The following CEMIP variants were observed in gnomAD, a reference collection of about 807,000 sequenced individuals.
CEMIP encodes the protein cell migration-inducing and hyaluronan-binding protein.
A neutral mutation model predicts 156.9 loss-of-function variants in CEMIP; 105 were observed. The observed-to-expected ratio is 0.67, with a 90% CI of 0.57 to 0.79. CEMIP has a LOEUF of 0.79. CEMIP is among the 30% of genes least tolerant of loss of function. The pLI is 0.00. For synonymous variants in CEMIP, 676 were observed against 668.4 expected, an observed-to-expected ratio of 1.01 and a Z score of -0.17; for missense variants, 1,457 against 1,769.4, an observed-to-expected ratio of 0.82 and a Z score of 3.17.
At chr15:80,836,820 C>A (rs908728630) in intron 1 of CEMIP, among the ~76,000 whole-genome samples, 2 of 152,160 alleles carry the variant, frequency 1.3e-5, no homozygotes, top group African/African-American at 4.8e-5. Flanking sequence ...CCTGCAGTTA[C>A]CAGGACCAGA....
chr15:80,882,838 G>T (rs1002087478), intron 6 of CEMIP, among the ~76,000 whole-genome samples: 11 of 152,084 alleles, frequency 7.2e-5, no homozygotes, highest in African/African-American at 2.7e-4. Flanking sequence ...ACTTAGAGAA[G>T]CAGGAACTTA....
At position 80,900,865 on chromosome 15, in the gene CEMIP, C is replaced by T. The variant is rs1044354983; in HGVS notation, c.1411+4805C>T. 3 of 451,248 alleles carry T rather than the reference C, an allele frequency of 6.6e-6. No individual in the cohort carries two copies. The Admixed American group carries it at 7.2e-5, about 11-fold the overall frequency. 28.0% of individuals were successfully genotyped at this position (451,248 alleles called of 1,614,324 possible). On this transcript the variant is annotated intron_variant, in intron 12 of 29. Coordinates refer to ENST00000394685, the MANE Select transcript of CEMIP (RefSeq NM_001293298.2). ...AGCTATCTCTTAGGCTTCTCTTCCC[C>T]AGGCTGGCTGCAGACACGGACACGA...
intron 1 of CEMIP, among the ~76,000 whole-genome samples, chr15:80,798,720 G>T (rs4778624): frequency 0.08 from 12,098 of 151,980 alleles, 636 homozygotes; most frequent in African/African-American, 0.14. Context: ...CTTATCAGTA[G>T]GTCTGATCTC....
chr15:80,886,494 T>G (rs1393456241), intron 7 of CEMIP, among the ~76,000 whole-genome samples: 2 of 152,042 alleles, frequency 1.3e-5, no homozygotes, highest in African/African-American at 2.4e-5. Flanking sequence ...ACAAGAATAA[T>G]GAGAGCTATT....
At chr15:80,859,135 G>A (rs1283980366) in intron 1 of CEMIP, among the ~76,000 whole-genome samples, 2 of 152,184 alleles carry the variant, frequency 1.3e-5, no homozygotes, top group Non-Finnish European at 2.9e-5. Flanking sequence ...CAGCAGCCAG[G>A]GGAATGGATC....
intron 1 of CEMIP, among the ~76,000 whole-genome samples, chr15:80,865,646 A>G (rs960751505): frequency 5.5e-5 from 8 of 145,190 alleles, no homozygotes; most frequent in Non-Finnish European, 1.2e-4. Context: ...AATTATGCAC[A>G]GCCCTTTTTT....
chr15:80,842,174 T>C (rs1170899922), intron 1 of CEMIP: 1 of 456,352 alleles, frequency 2.2e-6, no homozygotes, highest in Non-Finnish European at 4.4e-6. Flanking sequence ...ATATATGTAT[T>C]TCCTTTTCAT....
At chr15:80,785,678 C>A (rs1364981915) in intron 1 of CEMIP, among the ~76,000 whole-genome samples, 1 of 152,058 alleles carries the variant, frequency 6.6e-6, no homozygotes, top group Non-Finnish European at 1.5e-5. Flanking sequence ...ATGAAGAAGA[C>A]CAGTAATTCA....
intron 1 of CEMIP, among the ~76,000 whole-genome samples, chr15:80,867,650 G>T (rs1390573614): frequency 6.6e-6 from 1 of 152,240 alleles, no homozygotes; most frequent in African/African-American, 2.4e-5. Context: ...CTGAGAAAGG[G>T]CTGGCAGGAG....
chr15:80,787,567 G>A (rs1369964821), intron 1 of CEMIP, among the ~76,000 whole-genome samples: 1 of 152,178 alleles, frequency 6.6e-6, no homozygotes, highest in Non-Finnish European at 1.5e-5. Flanking sequence ...CATAGCAACT[G>A]GAACATACTA....
chr15:80,940,143 A>G (rs936832714), intron 25 of CEMIP, among the ~76,000 whole-genome samples: 2 of 152,208 alleles, frequency 1.3e-5, no homozygotes, highest in African/African-American at 2.4e-5. Context: ...GCTCTGCAAC[A>G]TTACTTGGTC....
chr15:80,888,553 G>A, intron 8 of CEMIP, 148 bp from the exon 9 acceptor site: 1 of 671,518 alleles, frequency 1.5e-6, no homozygotes, highest in Non-Finnish European at 2.7e-6. Context: ...GTGAATGAAT[G>A]TCCTAATTTT....
In CEMIP at chr15:80,925,727, G is replaced by C; in HGVS notation, c.2392G>C (p.Gly798Arg). 6.2e-7 allele frequency: 1 copy of C among 1,613,480 alleles called. No homozygotes were observed. The highest frequency in any genetic ancestry group is 8.5e-7 in the Non-Finnish European group (1 of 1,179,976). The change falls in exon 19 of 30, where the codon GGC becomes CGC. Residue 798 changes from glycine (G) to arginine (R), a missense_variant. Transcript: ENST00000394685. ...CCAGGACCACGGGGCCTGGCTGCGC[G>C]GCGGGGATGTGTGGCTGGACAGCTG... ...KNQDHGAWLR[G>R]GDVWLDSCRF... is the part of the protein sequence containing the mutation.
intron 1 of CEMIP, among the ~76,000 whole-genome samples, chr15:80,864,526 C>T (rs564860343): frequency 5.3e-5 from 8 of 152,232 alleles, no homozygotes; most frequent in Non-Finnish European, 1.0e-4. Context: ...TCCGGGCCGG[C>T]CCGTGTACCA....
chr15:80,829,771 G>A (rs1267096145), intron 1 of CEMIP, among the ~76,000 whole-genome samples: 1 of 152,204 alleles, frequency 6.6e-6, no homozygotes, highest in Non-Finnish European at 1.5e-5. Context: ...ATCAGAGGCA[G>A]GAATTTCTGC....
chr15:80,884,712 AT>A (rs1898777933), intron 7 of CEMIP, among the ~76,000 whole-genome samples: 1 of 152,196 alleles, frequency 6.6e-6, no homozygotes, highest in African/African-American at 2.4e-5. Context: ...TAAAGAGGTC[AT>A]GTCATGGCTT....
chr15:80,781,383 G>A (rs1895791014), intron 1 of CEMIP, among the ~76,000 whole-genome samples: 1 of 152,186 alleles, frequency 6.6e-6, no homozygotes, highest in Admixed American at 6.5e-5. Flanking sequence ...CTTTCTTAAA[G>A]CAATTTCCAA....
chr15:80,826,705 G>A (rs918729167), intron 1 of CEMIP, among the ~76,000 whole-genome samples: 2 of 152,164 alleles, frequency 1.3e-5, no homozygotes, highest in African/African-American at 4.8e-5. Flanking sequence ...CACAGTCATA[G>A]GCAAAATTTG....
intron 28 of CEMIP, among the ~76,000 whole-genome samples, chr15:80,944,588 C>T (rs775541909): frequency 1.3e-5 from 2 of 152,158 alleles, no homozygotes; most frequent in Non-Finnish European, 2.9e-5. Flanking sequence ...AGGGGCACGA[C>T]GTGAACTGGG....
Sources: allele counts gnomAD v4.1 joint callset (sites outside exome capture counted in the v4.1 genomes callset), GRCh38; gene constraint gnomAD v4.1.1; transcripts MANE v1.5; gene names NCBI Gene and HGNC (gene_info 2026-07-23, HGNC 2026-07-21).